UNC79: variants seen among roughly 807,000 people sequenced by gnomAD.
The protein encoded by UNC79 is protein unc-79 homolog.
Under a neutral mutation model 283.1 loss-of-function variants are expected in UNC79, and 37 were observed. That is an observed-to-expected ratio of 0.13 (90% CI 0.10 to 0.17). UNC79 has a LOEUF of 0.17. UNC79 is among the 10% of genes least tolerant of loss of function. The pLI, the probability that UNC79 is intolerant of heterozygous loss-of-function variation, is 1.00. For missense variants in UNC79, 2,272 were observed against 3,211.1 expected (o/e 0.71, Z 7.07); for synonymous variants, 1,107 against 1,200.2 (o/e 0.92, Z 1.61).
At chr14:93,437,105 ATACATT>A (rs1206933778) in intron 1 of UNC79, among the ~76,000 whole-genome samples, 1 of 152,168 alleles carries the variant, frequency 6.6e-6, no homozygotes, top group Admixed American at 6.5e-5. Context: ...GTATATACAT[ATACATT>A]TATGTATATG....
At chr14:93,412,444 C>T (rs1177281317) in intron 1 of UNC79, among the ~76,000 whole-genome samples, 2 of 151,340 alleles carry the variant, frequency 1.3e-5, no homozygotes, top group Non-Finnish European at 2.9e-5. Context: ...GGCTATAGAA[C>T]ACCAAGCAGA....
At chr14:93,511,734 C>T (rs139492972) in intron 7 of UNC79, among the ~76,000 whole-genome samples, 28 of 152,188 alleles carry the variant, frequency 1.8e-4, no homozygotes, top group East Asian at 5.8e-4. Context: ...CATGAGCCAC[C>T]GTGCATGACC....
At chr14:93,347,987 A>G in intron 1 of UNC79, 2 of 1,222,796 alleles carry the variant, frequency 1.6e-6, no homozygotes, top group Non-Finnish European at 2.4e-6. Flanking sequence ...TCACTGGCCT[A>G]GGAAGCCATA....
intron 23 of UNC79, among the ~76,000 whole-genome samples, 162 bp from the exon 24 acceptor site, chr14:93,597,197 G>T (rs1195920196): frequency 6.6e-6 from 1 of 152,200 alleles, no homozygotes; most frequent in Non-Finnish European, 1.5e-5. Context: ...CGAGATGGTG[G>T]TATTAGACTT....
At chr14:93,428,164 G>C (rs1197814222), upstream of UNC79, among the ~76,000 whole-genome samples, 1 of 152,090 alleles carries the variant, frequency 6.6e-6, no homozygotes, top group Admixed American at 6.5e-5. Context: ...TAGCAGGTAG[G>C]GTAGTGAGGA....
At chr14:93,666,524 A>G (rs1187000318) in intron 40 of UNC79, among the ~76,000 whole-genome samples, 1 of 152,190 alleles carries the variant, frequency 6.6e-6, no homozygotes, top group Non-Finnish European at 1.5e-5. Flanking sequence ...GAAAGTCACA[A>G]TATATTGATA....
At chr14:93,625,681 C>A (rs2139999434) in intron 30 of UNC79, among the ~76,000 whole-genome samples, 2 of 152,248 alleles carry the variant, frequency 1.3e-5, no homozygotes, top group South Asian at 4.2e-4. Context: ...CTGTCCCTCC[C>A]CTACTTCGTG....
chr14:93,427,478 G>A (rs1382839848), upstream of UNC79, among the ~76,000 whole-genome samples: 1 of 152,096 alleles, frequency 6.6e-6, no homozygotes, highest in Non-Finnish European at 1.5e-5. Context: ...CATATATGGT[G>A]TGTATGTAAT....
intron 31 of UNC79, 132 bp from the exon 34 acceptor site, chr14:93,634,389 C>A (rs2140118941): frequency 1.5e-6 from 1 of 657,796 alleles, no homozygotes; most frequent in Non-Finnish European, 2.7e-6. Flanking sequence ...TTCATTTGAA[C>A]AGAAGCATAC....
At chr14:93,368,325 A>T (rs996532247) in intron 1 of UNC79, among the ~76,000 whole-genome samples, 12 of 152,352 alleles carry the variant, frequency 7.9e-5, no homozygotes, top group Non-Finnish European at 1.8e-4. Flanking sequence ...ATCTAAAGAT[A>T]TGTTTACTAG....
intron 1 of UNC79, among the ~76,000 whole-genome samples, chr14:93,434,973 C>A (rs553100949): frequency 6.6e-6 from 1 of 152,224 alleles, no homozygotes; most frequent in African/African-American, 2.4e-5. Context: ...AAGAGTGTAG[C>A]TGATTAGCAC....
chr14:93,501,217 G>A (rs967347175), intron 7 of UNC79, among the ~76,000 whole-genome samples: 24 of 152,100 alleles, frequency 1.6e-4, no homozygotes, highest in African/African-American at 5.1e-4. Context: ...CCCAGCTACT[G>A]GGGGGTTGAG....
At chr14:93,379,269 G>A (rs2054618338) in intron 1 of UNC79, among the ~76,000 whole-genome samples, 2 of 152,072 alleles carry the variant, frequency 1.3e-5, no homozygotes, top group South Asian at 4.1e-4. Context: ...TTCCCAAAGA[G>A]CCAAACAAAA....
At chr14:93,695,602 T>A (rs1275930348) in intron 47 of UNC79, among the ~76,000 whole-genome samples, 2 of 151,628 alleles carry the variant, frequency 1.3e-5, no homozygotes, top group Non-Finnish European at 2.9e-5. Flanking sequence ...CCTCCAAAAG[T>A]TTTTTCAGGC....
At chr14:93,347,043 C>G (rs75682472) in intron 1 of UNC79, 21,702 of 475,764 alleles carry the variant, frequency 0.046, 1,216 homozygotes, top group African/African-American at 0.19. Flanking sequence ...AAAGCACGGA[C>G]TGCTGAGTGG....
intron 30 of UNC79, among the ~76,000 whole-genome samples, chr14:93,627,774 T>C (rs545547919): frequency 1.3e-5 from 2 of 152,368 alleles, no homozygotes; most frequent in South Asian, 4.1e-4. Flanking sequence ...ATCTCTCAAA[T>C]ATTGCATGGG....
chr14:93,361,271 G>A (rs2054221354), intron 1 of UNC79, among the ~76,000 whole-genome samples: 4 of 146,084 alleles, frequency 2.7e-5, no homozygotes, highest in African/African-American at 2.5e-5. Flanking sequence ...GAGGCACAAC[G>A]CCTAGCAGGC....
At chr14:93,636,115 TA>T (rs2068487799) in intron 31 of UNC79, among the ~76,000 whole-genome samples, 1 of 152,342 alleles carries the variant, frequency 6.6e-6, no homozygotes, top group Admixed American at 6.5e-5. Context: ...ACAGTAGTTA[TA>T]AAAAGGCAAA....
intron 1 of UNC79, among the ~76,000 whole-genome samples, chr14:93,461,972 A>AAGAG (rs1555413334): frequency 2.1e-5 from 3 of 145,842 alleles, no homozygotes; most frequent in Non-Finnish European, 4.5e-5. Context: ...CAAAAAAAAA[A>AAGAG]AAAGAAAGAA....
Sources: allele counts gnomAD v4.1 joint callset (sites outside exome capture counted in the v4.1 genomes callset), GRCh38; gene constraint gnomAD v4.1.1; transcripts MANE v1.5; gene names NCBI Gene and HGNC (gene_info 2026-07-23, HGNC 2026-07-21).